The following MARCHF8 variants were observed in gnomAD, a reference collection of about 807,000 sequenced individuals.
MARCHF8 encodes E3 ubiquitin-protein ligase MARCHF8.
MARCHF8 carries 40 observed loss-of-function variants against 51.6 expected under a neutral mutation model. The observed-to-expected ratio is 0.77, with a 90% CI of 0.60 to 1.01. MARCHF8 has a LOEUF of 1.01. Among genes scored for constraint, MARCHF8 ranks in the 50% least tolerant of loss-of-function variants. The pLI is 0.00. For synonymous variants in MARCHF8, 263 were observed against 280.3 expected, an observed-to-expected ratio of 0.94 and a Z score of 0.62; for missense variants, 685 against 708.6, an observed-to-expected ratio of 0.97 and a Z score of 0.38.
At chr10:45,503,569 A>AAATAAAT (rs1358394777) in intron 2 of MARCHF8, among the ~76,000 whole-genome samples, 2 of 148,330 alleles carry the variant, frequency 1.3e-5, no homozygotes, top group Non-Finnish European at 3.0e-5. Flanking sequence ...ATAAATAAAT[A>AAATAAAT]AAATAAAAAC....
rs769112011 is a variant in MARCHF8 at position 45,459,156 on chromosome 10, G to A, written c.1381C>T (p.Arg461Cys). 7.4e-6 allele frequency: 12 copies of A among 1,613,994 alleles called. No homozygotes were observed. Among genetic ancestry groups the A allele is most frequent in the Admixed American group, 5.0e-5 (3 of 59,996 alleles). Residue 461 changes from arginine to cysteine, a missense_variant, in exon 7 of 8, where the codon CGT becomes TGT. Physicochemically the swap from Arg to Cys is radical, Grantham distance 180. Transcript: ENST00000453424. ...VVWSLYVLIDRTAEEIKQGQA... is the reference protein window; with the variant it reads ...VVWSLYVLIDCTAEEIKQGQA... ...CCCTGCTTGATCTCCTCAGCAGTAC[G>A]GTCAATGAGCACATACAAGGACCAG...
intron 1 of MARCHF8, among the ~76,000 whole-genome samples, chr10:45,588,174 A>G (rs1188759938): frequency 1.3e-5 from 2 of 152,124 alleles, no homozygotes; most frequent in African/African-American, 4.8e-5. Context: ...TAAAAAAAAA[A>G]AAAGAAAATC....
chr10:45,565,578 TAA>T lies in MARCHF8; in HGVS notation c.-79+28655_-79+28656del, dbSNP rs576321216. Among the ~76,000 whole-genome samples the T allele has an allele frequency of 4.9e-5, 6 of 122,644 alleles. No homozygotes were observed. In the South Asian group the frequency reaches 1.3e-3, roughly 26 times the overall value. 80.5% of individuals were successfully genotyped at this position (122,644 alleles called of 152,430 possible). On this transcript the variant is annotated intron_variant, in intron 1 of 6. Coordinates refer to the MARCHF8 transcript ENST00000319836. ...GGATAAGGATGCAACTGCAAAAAAA[TAA>T]AAAAAAAAAGTCATTACATGGAATA...
chr10:45,459,546 T>G (rs900135390), intron 6 of MARCHF8, among the ~76,000 whole-genome samples: 1 of 152,232 alleles, frequency 6.6e-6, no homozygotes, highest in African/African-American at 2.4e-5. Context: ...AGACATAAGA[T>G]GGCCTGATAA....
chr10:45,563,162 G>T (rs2133371233), intron 1 of MARCHF8, among the ~76,000 whole-genome samples: 1 of 152,190 alleles, frequency 6.6e-6, no homozygotes, highest in South Asian at 2.1e-4. Context: ...GGGTAGCTGG[G>T]ACTACAGGCC....
At chr10:45,594,711 A>G (rs1467396123) in exon 1 of MARCHF8, 4 of 148,256 alleles carry the variant, frequency 2.7e-5, no homozygotes, top group Non-Finnish European at 6.0e-5. Context: ...ATTGGCGGCC[A>G]GCGGCGGCGG....
intron 1 of MARCHF8, among the ~76,000 whole-genome samples, chr10:45,566,508 G>A (rs1202276179): frequency 6.6e-6 from 1 of 152,044 alleles, no homozygotes; most frequent in Non-Finnish European, 1.5e-5. Context: ...CCACAAATAA[G>A]TGAGAACACG....
intron 3 of MARCHF8, among the ~76,000 whole-genome samples, chr10:45,482,699 G>A (rs761181348): frequency 1.6e-4 from 24 of 152,214 alleles, no homozygotes; most frequent in Admixed American, 3.3e-4. Flanking sequence ...AGGTTGCAGT[G>A]AGCCTAGATA....
chr10:45,457,848 G>A lies in MARCHF8; in HGVS notation c.*391C>T, dbSNP rs1288458072. 1.0e-5 allele frequency: 2 copies of A among 197,844 alleles called. No homozygotes were observed. The highest frequency in any genetic ancestry group is 2.0e-5 in the Non-Finnish European group (2 of 99,238). 12.3% of individuals were successfully genotyped at this position (197,844 alleles called of 1,614,324 possible). A position where few individuals can be genotyped will look rare whatever the true frequency, so the allele number is the denominator to read the frequency against. On this transcript the variant is annotated 3_prime_UTR_variant, in exon 8 of 8. Coordinates refer to ENST00000453424, the MANE Select transcript of MARCHF8 (RefSeq NM_001282866.2). ...TCGTCATGGCTAGACACTCCCCAATGCTCTGCTCCAGGCTGGGGACCACTG... is the reference window on the plus strand; with the variant it reads ...TCGTCATGGCTAGACACTCCCCAATACTCTGCTCCAGGCTGGGGACCACTG...
At position 45,455,020 on chromosome 10, in the gene MARCHF8, C is replaced by A. The variant is rs1471768532; in HGVS notation, c.*3219G>T. ...AGTACTTCAATTGTGTATTTGCCTT[C>A]AGCCACATCCAGAGACTTGTGGATC... On this transcript the variant is annotated 3_prime_UTR_variant, in exon 8 of 8. Transcript: ENST00000453424. 1 of 152,236 alleles carries A rather than the reference C, an allele frequency of 6.6e-6. No individual in the cohort carries two copies. Among genetic ancestry groups the A allele is most frequent in the African/African-American group, 2.4e-5 (1 of 41,458 alleles). The allele number at this position is 152,236 out of a possible 1,614,324, so 9.4% of individuals were successfully genotyped here.
At chr10:45,480,307 T>C (rs1445804396) in intron 3 of MARCHF8, among the ~76,000 whole-genome samples, 1 of 152,182 alleles carries the variant, frequency 6.6e-6, no homozygotes, top group African/African-American at 2.4e-5. Context: ...CCTGATGCCA[T>C]TGAAAAGAAA....
At chr10:45,590,924 A>G (rs1457202455) in intron 1 of MARCHF8, among the ~76,000 whole-genome samples, 1 of 152,206 alleles carries the variant, frequency 6.6e-6, no homozygotes, top group Non-Finnish European at 1.5e-5. Flanking sequence ...AAAAGAAGTG[A>G]AAATAGTCTT....
At chr10:45,461,687 A>C in intron 5 of MARCHF8, 1 of 277,120 alleles carries the variant, frequency 3.6e-6, no homozygotes, top group Non-Finnish European at 6.7e-6. Context: ...GGTAAGAAAT[A>C]AGAACTTCAC....
chr10:45,539,347 A>G (rs945458372), upstream of MARCHF8, among the ~76,000 whole-genome samples: 2 of 152,262 alleles, frequency 1.3e-5, no homozygotes, highest in African/African-American at 4.8e-5. Flanking sequence ...ATAGCACTAA[A>G]TGCCCACAAG....
At chr10:45,593,161 ACATT>A (rs1589202110) in intron 1 of MARCHF8, among the ~76,000 whole-genome samples, 1 of 152,242 alleles carries the variant, frequency 6.6e-6, no homozygotes, top group Non-Finnish European at 1.5e-5. Flanking sequence ...CACTTACAGT[ACATT>A]CCACTTCCAA....
At chr10:45,579,220 G>C (rs1301479624) in intron 1 of MARCHF8, among the ~76,000 whole-genome samples, 1 of 152,142 alleles carries the variant, frequency 6.6e-6, no homozygotes, top group East Asian at 1.9e-4. Flanking sequence ...AAAAAGAAAG[G>C]GGGAAAGAGT....
Position 45,463,311 on chromosome 10 carries a change from C to A in MARCHF8, c.928G>T (p.Asp310Tyr). The A allele has an allele frequency of 6.4e-7, 1 of 1,551,012 alleles. No individual in the cohort carries two copies. The highest frequency in any genetic ancestry group is 1.2e-5 in the South Asian group (1 of 84,062). Residue 310 changes from aspartate (D) to tyrosine (Y), a missense_variant, in exon 5 of 8, where the codon GAC (aspartate) becomes TAC (tyrosine). Transcript: ENST00000453424. ...GATGTGCTGTCCTCAAAGACATCGT[C>A]GTCTCCCATCTCGTCAGAGCAGAAG... The part of the protein sequence containing the change: ...MGFCSDEMGD[D>Y]DVFEDSTSAK...
At chr10:45,459,030 T>G in intron 7 of MARCHF8, 90 bp downstream of exon 7, 2 of 1,544,088 alleles carry the variant, frequency 1.3e-6, no homozygotes, top group Non-Finnish European at 1.8e-6. Context: ...AACCCAGACG[T>G]TTTTGGCTAA....
In MARCHF8 at chr10:45,456,496, AG is replaced by A. The variant is rs1355027581; in HGVS notation, c.*1742del. On this transcript the variant is annotated 3_prime_UTR_variant, in exon 8 of 8. Transcript: ENST00000453424. ...CTATTAAGCCCACACCGTAGCTTAG[AG>A]ATCCTTCAGCCTCCTGGCCTTCAAA... The A allele has an allele frequency of 1.3e-5, 2 of 152,246 alleles. No homozygotes were observed. Among genetic ancestry groups the A allele is most frequent in the Non-Finnish European group, 2.9e-5 (2 of 68,052 alleles). The allele number at this position is 152,246 out of a possible 1,614,324, so 9.4% of individuals were successfully genotyped here.
Sources: gnomAD v4.1 joint callset for allele counts (sites outside exome capture counted in the v4.1 genomes callset) on GRCh38, gnomAD v4.1.1 for gene constraint, MANE v1.5 for transcripts, NCBI Gene and HGNC (gene_info 2026-07-23, HGNC 2026-07-21) for gene names.